VCL: variants seen among roughly 807,000 people sequenced by gnomAD.
The protein encoded by VCL is vinculin.
A neutral mutation model predicts 125.7 loss-of-function variants in VCL; 47 were observed. The observed-to-expected ratio is 0.37, with a 90% confidence interval of 0.30 to 0.48. The LOEUF is 0.48. Among genes scored for constraint, VCL ranks in the 20% least tolerant of loss-of-function variants. The pLI is 0.99. For synonymous variants in VCL, 458 were observed against 514.6 expected (o/e 0.89, Z 1.49); for missense variants, 1,069 against 1,455.5 (o/e 0.73, Z 4.32).
chr10:74,023,904 T>A (rs1274803726), intron 1 of VCL, among the ~76,000 whole-genome samples: 1 of 152,206 alleles, frequency 6.6e-6, no homozygotes, highest in Non-Finnish European at 1.5e-5. Context: ...TGTTCTCTTC[T>A]TTCACTTTTC....
intron 2 of VCL, among the ~76,000 whole-genome samples, chr10:74,045,808 T>G (rs1841189158): frequency 6.6e-6 from 1 of 151,890 alleles, no homozygotes; most frequent in South Asian, 2.1e-4. Flanking sequence ...CATCTAAAAG[T>G]GGTAATAATG....
At chr10:74,050,451 T>C (rs909765671) in intron 2 of VCL, among the ~76,000 whole-genome samples, 1 of 152,224 alleles carries the variant, frequency 6.6e-6, no homozygotes, top group South Asian at 2.1e-4. Flanking sequence ...TTTATATTCA[T>C]GCACAAAGAA....
At chr10:74,037,780 G>C (rs751098051) in intron 1 of VCL, among the ~76,000 whole-genome samples, 21 of 152,228 alleles carry the variant, frequency 1.4e-4, no homozygotes, top group South Asian at 6.2e-4. Flanking sequence ...AGACCACATA[G>C]GAAAGGAATA....
intron 2 of VCL, among the ~76,000 whole-genome samples, chr10:74,066,394 G>C (rs776409186): frequency 1.3e-5 from 2 of 151,780 alleles, no homozygotes; most frequent in Non-Finnish European, 2.9e-5. Context: ...ATACAACATA[G>C]TAGCTACAGT....
intron 1 of VCL, among the ~76,000 whole-genome samples, chr10:74,013,300 A>G (rs1033138503): frequency 1.3e-5 from 2 of 152,262 alleles, no homozygotes; most frequent in Middle Eastern, 3.4e-3. Flanking sequence ...GGACCATCTA[A>G]TTTGTGTTCT....
At chr10:74,074,207 G>A (rs1296063280) in intron 5 of VCL, among the ~76,000 whole-genome samples, 1 of 152,236 alleles carries the variant, frequency 6.6e-6, no homozygotes, top group African/African-American at 2.4e-5. Context: ...AAAGTGTTGG[G>A]ATTACAGGCG....
intron 13 of VCL, among the ~76,000 whole-genome samples, chr10:74,100,420 G>A (rs1213017767): frequency 2.6e-5 from 4 of 152,142 alleles, no homozygotes. Context: ...TTTTTCCCTT[G>A]GAGGTCAATG....
chr10:74,024,710 G>C (rs1840740587), intron 1 of VCL, among the ~76,000 whole-genome samples: 1 of 152,118 alleles, frequency 6.6e-6, no homozygotes, highest in Non-Finnish European at 1.5e-5. Context: ...GGTCAGTACT[G>C]GTTCAATTTT....
At chr10:74,080,071 G>A (rs1839652762) in intron 6 of VCL, among the ~76,000 whole-genome samples, 1 of 151,974 alleles carries the variant, frequency 6.6e-6, no homozygotes, top group African/African-American at 2.4e-5. Context: ...TTATTAAGGA[G>A]AAAAAAAGAA....
intron 7 of VCL, 89 bp from the exon 8 acceptor site, chr10:74,083,277 T>C: frequency 6.4e-7 from 1 of 1,553,276 alleles, no homozygotes; most frequent in Non-Finnish European, 8.8e-7. Flanking sequence ...AAATCATCCA[T>C]TCCTTGGTGA....
intron 20 of VCL, 38 bp downstream of exon 20, chr10:74,114,425 G>A (rs1363914147): frequency 8.2e-6 from 13 of 1,588,488 alleles, no homozygotes; most frequent in Middle Eastern, 2.1e-4. Flanking sequence ...GTGTGTGTGT[G>A]TGTGTGTGTG....
At chr10:74,085,372 C>T (rs750602871) in intron 8 of VCL, among the ~76,000 whole-genome samples, 1 of 152,042 alleles carries the variant, frequency 6.6e-6, no homozygotes, top group African/African-American at 2.4e-5. Context: ...AGAAACATAG[C>T]GTGAAAACAT....
Position 74,058,813 on chromosome 10 carries a change from C to T in VCL, c.240-11857C>T, listed in dbSNP as rs1173920157. Among the ~76,000 whole-genome samples, 11 of 152,236 alleles carry T rather than the reference C, an allele frequency of 7.2e-5. No homozygotes were observed. The East Asian group carries it at 1.4e-3, about 19-fold the overall frequency. ...ATTGTTTGGCTTTAGAGTGAGCTACCTGCACTTTGTGATGGTAGACTGCCC... is the reference window on the plus strand; with the variant it reads ...ATTGTTTGGCTTTAGAGTGAGCTACTTGCACTTTGTGATGGTAGACTGCCC... On this transcript the variant is annotated intron_variant, in intron 2 of 21. Transcript: ENST00000211998.
At position 74,119,872 on chromosome 10, in the gene VCL, TA is replaced by T. The variant is rs1840380040; in HGVS notation, c.*1706del. On this transcript the variant is annotated 3_prime_UTR_variant, in exon 22 of 22. Transcript: ENST00000211998. The stretch of plus-strand genomic sequence containing the variant: ...TGCCAAAGATCACTTGTTGTTTTAC[TA>T]AAGAAAGATTACTTAGAGGAAATAA... 1 of 152,632 alleles carries T rather than the reference TA, an allele frequency of 6.6e-6. No individual in the cohort carries two copies. The highest frequency in any genetic ancestry group is 1.5e-5 in the Non-Finnish European group (1 of 68,036). 9.5% of individuals were successfully genotyped at this position (152,632 alleles called of 1,614,324 possible).
rs1404039390 is a variant in VCL at position 74,074,920 on chromosome 10, G to C, written c.783+17G>C. The stretch of plus-strand genomic sequence containing the variant: ...GCCAGCAAGGTACGTGTTCTTAGTG[G>C]AGAAATAAGCAAAATCCCCAACTCT... On this transcript the variant is annotated intron_variant, in intron 6 of 21. Coordinates refer to ENST00000211998, the MANE Select transcript of VCL (RefSeq NM_014000.3). 5.0e-6 allele frequency: 8 copies of C among 1,614,012 alleles called. No individual in the cohort carries two copies. In the African/African-American group the frequency reaches 5.3e-5, roughly 11 times the overall value.
intron 8 of VCL, among the ~76,000 whole-genome samples, chr10:74,086,450 T>C (rs1344943985): frequency 2.6e-5 from 4 of 152,252 alleles, no homozygotes; most frequent in Non-Finnish European, 4.4e-5. Flanking sequence ...TCCTCTGTCA[T>C]GAGCATGGTA....
Position 74,075,152 on chromosome 10 carries a change from G to A in VCL, c.783+249G>A, listed in dbSNP as rs377117491. The A allele has an allele frequency of 1.7e-4, 82 of 496,564 alleles. No homozygotes were observed. The East Asian group carries it at 2.5e-3, about 15-fold the overall frequency. The allele number at this position is 496,564 out of a possible 1,614,324, so 30.8% of individuals were successfully genotyped here. A position where few individuals can be genotyped will look rare whatever the true frequency, so the allele number is the denominator to read the frequency against. On this transcript the variant is annotated intron_variant, in intron 6 of 21. Coordinates refer to ENST00000211998, the MANE Select transcript of VCL (RefSeq NM_014000.3). ...TACTGGTTTAAGGCTGAGATTTATA[G>A]CTTTTCCATCAGGCTGGAGTCTTAT...
intron 6 of VCL, chr10:74,077,455 GA>G (rs1399851224): frequency 1.1e-5 from 2 of 180,540 alleles, no homozygotes; most frequent in Non-Finnish European, 2.4e-5. Context: ...TATCAAAATA[GA>G]AAAAAATTTT....
At chr10:74,056,780 A>G (rs1191146695) in intron 2 of VCL, among the ~76,000 whole-genome samples, 2 of 152,148 alleles carry the variant, frequency 1.3e-5, no homozygotes, top group Admixed American at 6.6e-5. Context: ...TCCAGGAGCA[A>G]AGCATATCAG....
Sources: gnomAD v4.1 joint callset for allele counts (sites outside exome capture counted in the v4.1 genomes callset) on GRCh38, gnomAD v4.1.1 for gene constraint, MANE v1.5 for transcripts, NCBI Gene and HGNC (gene_info 2026-07-23, HGNC 2026-07-21) for gene names.